ALK: variants seen among roughly 807,000 people sequenced by gnomAD.
ALK encodes the protein ALK receptor tyrosine kinase.
A neutral mutation model predicts 163.1 loss-of-function variants in ALK; 74 were observed. The observed-to-expected ratio is 0.45, with a 90% CI of 0.38 to 0.55. The LOEUF (loss-of-function observed/expected upper bound fraction) is 0.55. Among genes scored for constraint, ALK ranks in the 20% least tolerant of loss-of-function variants. The pLI is 0.00. For synonymous variants in ALK, 960 were observed against 843.2 expected, an observed-to-expected ratio of 1.14 and a Z score of -2.40; for missense variants, 2,063 against 2,105.3, an observed-to-expected ratio of 0.98 and a Z score of 0.39.
At position 29,374,191 on chromosome 2, in the gene ALK, C is replaced by T. The variant is rs141086397; in HGVS notation, c.1282+9541G>A. On this transcript the variant is annotated intron_variant, in intron 5 of 28. Transcript: ENST00000389048. ...GGATGCCAGAGAGAGGATGAGAATACGTATTGTGCCAAGCATTGTGCTAGG... is the reference window on the plus strand; with the variant it reads ...GGATGCCAGAGAGAGGATGAGAATATGTATTGTGCCAAGCATTGTGCTAGG... 3.9e-5 allele frequency among the ~76,000 whole-genome samples: 6 copies of T among 152,230 alleles called. No homozygotes were observed. The East Asian group carries it at 5.8e-4, about 15-fold the overall frequency.
At chr2:29,879,989 A>G (rs1032825852) in intron 1 of ALK, among the ~76,000 whole-genome samples, 1 of 152,222 alleles carries the variant, frequency 6.6e-6, no homozygotes, top group Non-Finnish European at 1.5e-5. Flanking sequence ...ATTTTCTCCA[A>G]CTGCCAATGT....
At chr2:29,263,085 C>T (rs550772046) in intron 11 of ALK, among the ~76,000 whole-genome samples, 2 of 152,298 alleles carry the variant, frequency 1.3e-5, no homozygotes, top group South Asian at 2.1e-4. Flanking sequence ...CTGCAGGTTA[C>T]GCATAATGGA....
intron 5 of ALK, among the ~76,000 whole-genome samples, chr2:29,362,134 G>A (rs1262840561): frequency 6.6e-6 from 1 of 152,298 alleles, no homozygotes; most frequent in East Asian, 1.9e-4. Context: ...TGGATTGATG[G>A]GTGGTGGGCA....
intron 3 of ALK, among the ~76,000 whole-genome samples, chr2:29,550,067 G>C (rs555294921): frequency 3.3e-5 from 5 of 152,184 alleles, no homozygotes; most frequent in African/African-American, 1.2e-4. Context: ...ATCTCCCTAG[G>C]CCTTGCTGTT....
At position 29,193,619 on chromosome 2, in the gene ALK, G is replaced by A. The variant is rs2148138215; in HGVS notation, c.4468C>T (p.His1490Tyr). Residue 1490 changes from histidine (H) to tyrosine (Y), a missense_variant, in exon 29 of 29, where the codon CAC becomes TAC. By Grantham distance (83) the His-to-Tyr change is moderately conservative. This residue lies in a region of ALK where 403 missense variants were observed against 366.2 expected (regional missense o/e 1.10). Transcript: ENST00000389048. Reference sequence around the variant, plus strand: ...TTGTTTCTGGATCCGTGGACCTTGTGCAACTCCGAAGGAGGGTTGGACTGA... The same window carrying A: ...TTGTTTCTGGATCCGTGGACCTTGTACAACTCCGAAGGAGGGTTGGACTGA... ...FSQSNPPSELHKVHGSRNKPT... is the reference protein window; with the variant it reads ...FSQSNPPSELYKVHGSRNKPT... 1 of 1,614,232 alleles carries A rather than the reference G, an allele frequency of 6.2e-7. No homozygotes were observed. Among genetic ancestry groups the A allele is most frequent in the Non-Finnish European group, 8.5e-7 (1 of 1,180,034 alleles).
intron 23 of ALK, 69 bp downstream of exon 23, chr2:29,220,637 C>T (rs1230848051): frequency 6.2e-7 from 1 of 1,609,084 alleles, no homozygotes; most frequent in Non-Finnish European, 8.5e-7. Context: ...AGGCTGCCCA[C>T]TCTTGCTCCT....
At chr2:29,271,438 C>T (rs1490059082) in intron 11 of ALK, among the ~76,000 whole-genome samples, 3 of 152,232 alleles carry the variant, frequency 2.0e-5, no homozygotes, top group Admixed American at 6.5e-5. Flanking sequence ...GGCACATTAG[C>T]AGTGCCATGG....
rs542606828 is a variant in ALK at position 29,873,518 on chromosome 2, T to C, written c.667+46475A>G. Among the ~76,000 whole-genome samples, 3 of 152,162 alleles carry C rather than the reference T, an allele frequency of 2.0e-5. No individual in the cohort carries two copies. The South Asian group carries it at 6.2e-4, about 32-fold the overall frequency. Reference sequence around the variant, plus strand: ...GATGAGGACTGTGCTCAAGGGTTTGTTCCAAGTCAGAGATGGGAAGTATAA... The same window carrying C: ...GATGAGGACTGTGCTCAAGGGTTTGCTCCAAGTCAGAGATGGGAAGTATAA... On this transcript the variant is annotated intron_variant, in intron 1 of 28. Transcript: ENST00000389048.
At chr2:29,610,690 T>C (rs1232777581) in intron 3 of ALK, among the ~76,000 whole-genome samples, 1 of 152,160 alleles carries the variant, frequency 6.6e-6, no homozygotes, top group African/African-American at 2.4e-5. Context: ...AATTGTCCTG[T>C]GAAAGGAAAA....
intron 3 of ALK, among the ~76,000 whole-genome samples, chr2:29,678,931 T>G (rs1417359667): frequency 6.6e-6 from 1 of 151,850 alleles, no homozygotes; most frequent in Admixed American, 6.6e-5. Flanking sequence ...GGCTTCTATA[T>G]CCTTCTTTAT....
chr2:29,506,517 C>T (rs553089614), intron 4 of ALK, among the ~76,000 whole-genome samples: 6 of 152,102 alleles, frequency 3.9e-5, no homozygotes, highest in South Asian at 2.1e-4. Context: ...GAGGCCGAGG[C>T]GGGTGGATCA....
intron 5 of ALK, among the ~76,000 whole-genome samples, chr2:29,363,510 T>C (rs1668430031): frequency 6.6e-6 from 1 of 152,180 alleles, no homozygotes; most frequent in Non-Finnish European, 1.5e-5. Flanking sequence ...TACTGAGACA[T>C]GTCTTCTAGC....
intron 4 of ALK, among the ~76,000 whole-genome samples, chr2:29,505,418 T>C (rs536056893): frequency 6.6e-6 from 1 of 152,194 alleles, no homozygotes; most frequent in East Asian, 1.9e-4. Flanking sequence ...TCAAGTGGAC[T>C]GATAAGTACT....
At chr2:29,194,699 A>C (rs928516707) in intron 28 of ALK, among the ~76,000 whole-genome samples, 1 of 117,392 alleles carries the variant, frequency 8.5e-6, no homozygotes, top group African/African-American at 3.4e-5. Flanking sequence ...TTTTTAGTAG[A>C]GACAAGGTTT....
intron 3 of ALK, among the ~76,000 whole-genome samples, chr2:29,611,184 G>C (rs892747510): frequency 6.6e-6 from 1 of 152,124 alleles, no homozygotes; most frequent in Admixed American, 6.5e-5. Context: ...GGCTGCAGGG[G>C]AACAGCCACA....
At chr2:29,216,934 G>GGGGGCATGTGTGTGGT (rs1219959223) in intron 23 of ALK, among the ~76,000 whole-genome samples, 1 of 9,436 alleles carries the variant, frequency 1.1e-4, no homozygotes, top group Non-Finnish European at 3.5e-4. Context: ...GTGTGTGGGG[G>GGGGGCATGTGTGTGGT]GTGTGTGTGT....
chr2:29,404,248 G>A (rs574542768), intron 4 of ALK, among the ~76,000 whole-genome samples: 5 of 149,096 alleles, frequency 3.4e-5, no homozygotes, highest in Non-Finnish European at 5.9e-5. Context: ...AGGTTGCAGT[G>A]AGCCCAGATC....
chr2:29,586,198 T>C (rs1325124572), intron 3 of ALK, among the ~76,000 whole-genome samples: 1 of 152,002 alleles, frequency 6.6e-6, no homozygotes, highest in East Asian at 1.9e-4. Flanking sequence ...CTTTGAATTG[T>C]TGCTTCATAT....
chr2:29,536,756 T>TGCTGATA (rs1673267775), intron 3 of ALK, among the ~76,000 whole-genome samples: 1 of 152,190 alleles, frequency 6.6e-6, no homozygotes, highest in South Asian at 2.1e-4. Context: ...TTGACCAAAA[T>TGCTGATA]GCTGATAGAA....
Sources: allele counts gnomAD v4.1 joint callset (sites outside exome capture counted in the v4.1 genomes callset), GRCh38; gene constraint gnomAD v4.1.1; regional missense constraint gnomAD v4.1.1; transcripts MANE v1.5; gene names NCBI Gene and HGNC (gene_info 2026-07-23, HGNC 2026-07-21).